Variants in ACYP2 observed in about 807,000 individuals in gnomAD.
ACYP2 encodes acylphosphatase 2.
ACYP2 carries 12 observed loss-of-function variants against 11.2 expected under a neutral mutation model. The observed-to-expected ratio is 1.08, with a 90% CI of 0.69 to 1.74. The LOEUF (loss-of-function observed/expected upper bound fraction) is 1.74, where lower values mean the gene tolerates loss of function less well. Among genes scored for constraint, ACYP2 ranks in the 40% most tolerant of loss-of-function variants. The probability of loss-of-function intolerance (pLI) is 0.00; values close to 1 mark genes in which losing one functional copy is unlikely to be tolerated. For missense variants in ACYP2, 134 were observed against 101.9 expected, an observed-to-expected ratio of 1.31 and a Z score of -1.35; for synonymous variants, 43 against 32.2, an observed-to-expected ratio of 1.33 and a Z score of -1.13.
At chr2:53,999,440 G>C (rs1431962124) in intron 2 of ACYP2, among the ~76,000 whole-genome samples, 2 of 152,160 alleles carry the variant, frequency 1.3e-5, no homozygotes, top group African/African-American at 2.4e-5. Context: ...GAGGATAGCA[G>C]TCAAAATCAG....
chr2:53,982,380 A>G (rs1249477615), intron 2 of ACYP2, among the ~76,000 whole-genome samples: 1 of 152,236 alleles, frequency 6.6e-6, no homozygotes, highest in Non-Finnish European at 1.5e-5. Flanking sequence ...TGTGTATTAT[A>G]TATTCATTAA....
chr2:54,027,976 G>A (rs1270226802), intron 2 of ACYP2, among the ~76,000 whole-genome samples: 1 of 151,356 alleles, frequency 6.6e-6, no homozygotes, highest in African/African-American at 2.4e-5. Context: ...CCAAGTAGCT[G>A]GGGTTACAGG....
intron 6 of ACYP2, among the ~76,000 whole-genome samples, chr2:54,239,577 G>A (rs1458583673): frequency 6.6e-6 from 1 of 152,174 alleles, no homozygotes; most frequent in Admixed American, 6.5e-5. Context: ...AGCATCTGAT[G>A]TGAGCCAGAG....
intron 6 of ACYP2, among the ~76,000 whole-genome samples, chr2:54,207,282 G>T (rs56005604): frequency 0.011 from 1,630 of 151,202 alleles, 36 homozygotes; most frequent in African/African-American, 0.037. Context: ...AGGCTGGCAG[G>T]CTAGAAATTC....
At chr2:54,062,982 A>G (rs371646967) in intron 4 of ACYP2, among the ~76,000 whole-genome samples, 2 of 152,204 alleles carry the variant, frequency 1.3e-5, no homozygotes, top group African/African-American at 4.8e-5. Context: ...AGATACCTTC[A>G]TTAATTCGAC....
Position 54,110,888 on chromosome 2 carries a change from G to C in ACYP2, c.278-24565G>C, listed in dbSNP as rs1293628911. On this transcript the variant is annotated intron_variant, in intron 4 of 6. Coordinates refer to ENST00000607452, the MANE Select transcript of ACYP2 (RefSeq NM_001320586.2). ...AAGGAAAGAGGAAAGGCTGTGGCTG[G>C]AGATGTCTGAAAAATGACTGCCAAG... Among the ~76,000 whole-genome samples the C allele has an allele frequency of 2.6e-5, 4 of 152,120 alleles. No individual in the cohort carries two copies. The East Asian group carries it at 7.8e-4, about 30-fold the overall frequency.
intron 2 of ACYP2, among the ~76,000 whole-genome samples, chr2:53,997,749 A>G (rs1672642106): frequency 1.3e-5 from 2 of 152,226 alleles, no homozygotes; most frequent in Admixed American, 1.3e-4. Flanking sequence ...GATGGGGAAT[A>G]GATTAAGAAG....
At chr2:54,259,287 T>A (rs879270070) in intron 6 of ACYP2, among the ~76,000 whole-genome samples, 4 of 152,138 alleles carry the variant, frequency 2.6e-5, no homozygotes, top group Non-Finnish European at 4.4e-5. Flanking sequence ...GCATAATGAG[T>A]TTAGAGCTCA....
chr2:54,196,245 C>G (rs1011101447), intron 6 of ACYP2, among the ~76,000 whole-genome samples: 2 of 152,074 alleles, frequency 1.3e-5, no homozygotes, highest in Non-Finnish European at 2.9e-5. Context: ...CAGCCAGGCT[C>G]AAGGGCAGTA....
intron 6 of ACYP2, among the ~76,000 whole-genome samples, chr2:54,153,878 G>A (rs1682314551): frequency 6.6e-6 from 1 of 152,024 alleles, no homozygotes; most frequent in Non-Finnish European, 1.5e-5. Flanking sequence ...GGGATTATAG[G>A]CATGAGCCAC....
At chr2:54,251,304 C>G (rs1305288325) in intron 6 of ACYP2, among the ~76,000 whole-genome samples, 1 of 151,998 alleles carries the variant, frequency 6.6e-6, no homozygotes, top group African/African-American at 2.4e-5. Flanking sequence ...AAAAGATGTG[C>G]AGCATACTTT....
chr2:54,051,570 G>C, intron 3 of ACYP2: 2 of 743,162 alleles, frequency 2.7e-6, no homozygotes. Context: ...CTGTCCATTG[G>C]TGATGTTGTG....
intron 4 of ACYP2, among the ~76,000 whole-genome samples, chr2:54,083,073 C>CA (rs11324402): frequency 3.7e-4 from 52 of 140,316 alleles, no homozygotes; most frequent in Non-Finnish European, 3.3e-4. Context: ...GACTCTGTCT[C>CA]AAAAAAAAAA....
At chr2:54,191,179 C>G (rs187762787) in intron 6 of ACYP2, among the ~76,000 whole-genome samples, 32 of 152,234 alleles carry the variant, frequency 2.1e-4, no homozygotes, top group African/African-American at 7.2e-4. Context: ...TGCACAACAG[C>G]CACCCTAACC....
At chr2:53,973,009 GC>G (rs1469424592) in intron 1 of ACYP2, among the ~76,000 whole-genome samples, 1 of 152,004 alleles carries the variant, frequency 6.6e-6, no homozygotes, top group Admixed American at 6.6e-5. Flanking sequence ...TCTCTGAGGA[GC>G]CCCACATTTA....
intron 2 of ACYP2, among the ~76,000 whole-genome samples, chr2:54,037,488 G>C (rs1221246884): frequency 2.0e-5 from 3 of 152,064 alleles, no homozygotes; most frequent in Non-Finnish European, 2.9e-5. Flanking sequence ...ACGGCCCACT[G>C]CAGCCTCAAC....
intron 4 of ACYP2, among the ~76,000 whole-genome samples, chr2:54,108,308 C>T (rs1426842583): frequency 6.6e-6 from 1 of 152,140 alleles, no homozygotes; most frequent in Admixed American, 6.6e-5. Flanking sequence ...GAAAGTCCAG[C>T]TAGAAAGAGA....
intron 6 of ACYP2, among the ~76,000 whole-genome samples, chr2:54,189,964 G>A (rs1367073620): frequency 2.0e-5 from 3 of 152,100 alleles, no homozygotes; most frequent in Non-Finnish European, 2.9e-5. Context: ...GTGATATTGA[G>A]CATCTTTTCG....
At chr2:53,997,196 C>T (rs1672613087) in intron 2 of ACYP2, among the ~76,000 whole-genome samples, 2 of 152,188 alleles carry the variant, frequency 1.3e-5, no homozygotes, top group South Asian at 4.1e-4. Flanking sequence ...TACATTTACT[C>T]TCCTATAGAA....
Sources: gnomAD v4.1 joint callset for allele counts (sites outside exome capture counted in the v4.1 genomes callset) on GRCh38, gnomAD v4.1.1 for gene constraint, MANE v1.5 for transcripts, NCBI Gene and HGNC (gene_info 2026-07-23, HGNC 2026-07-21) for gene names.